Variants in PLCB1 observed in about 807,000 individuals in gnomAD.
The protein encoded by PLCB1 is 1-phosphatidylinositol 4,5-bisphosphate phosphodiesterase beta-1.
PLCB1 carries 46 observed loss-of-function variants against 161.8 expected under a neutral mutation model. The ratio of observed to expected loss-of-function variants is 0.28; its 90% CI spans 0.22 to 0.36. The LOEUF (loss-of-function observed/expected upper bound fraction) is 0.36, where lower values mean the gene tolerates loss of function less well. Ranked by LOEUF, PLCB1 falls within the 10% of genes least tolerant of loss-of-function variation. The pLI, the probability that PLCB1 is intolerant of heterozygous loss-of-function variation, is 1.00. For synonymous variants in PLCB1, 517 were observed against 503.7 expected (o/e 1.03, Z -0.35); for missense variants, 1,016 against 1,472.5 (o/e 0.69, Z 5.07).
intron 3 of PLCB1, among the ~76,000 whole-genome samples, chr20:8,373,110 T>TACCA: frequency 6.6e-6 from 1 of 152,230 alleles, no homozygotes; most frequent in Non-Finnish European, 1.5e-5. Flanking sequence ...TAAACCACTG[T>TACCA]TAGATCCTCA....
chr20:8,564,580 T>C (rs1986259398), intron 3 of PLCB1, among the ~76,000 whole-genome samples: 1 of 152,150 alleles, frequency 6.6e-6, no homozygotes, highest in Non-Finnish European at 1.5e-5. Context: ...TTTTGCAGTG[T>C]ATCCACCTGA....
chr20:8,514,741 A>G (rs1289442189), intron 3 of PLCB1, among the ~76,000 whole-genome samples: 1 of 152,144 alleles, frequency 6.6e-6, no homozygotes, highest in Non-Finnish European at 1.5e-5. Context: ...TCTTTTTGCT[A>G]GTTTCATGAT....
At chr20:8,658,762 A>C in intron 9 of PLCB1, 58 bp downstream of exon 9, 1 of 1,413,632 alleles carries the variant, frequency 7.1e-7, no homozygotes, top group Non-Finnish European at 9.6e-7. Context: ...GGGTAGTCAC[A>C]CGCTGGGAGT....
intron 17 of PLCB1, among the ~76,000 whole-genome samples, chr20:8,728,336 C>G (rs2123490105): frequency 6.6e-6 from 1 of 152,172 alleles, no homozygotes; most frequent in African/African-American, 2.4e-5. Context: ...CTTCACCTAA[C>G]TTGGTGATAG....
rs566478114 is a variant in PLCB1, at chr20:8,660,834, T to C, written c.862+2130T>C. 1.1e-4 allele frequency among the ~76,000 whole-genome samples: 16 copies of C among 152,296 alleles called. No individual in the cohort carries two copies. The East Asian group carries it at 3.1e-3, about 29-fold the overall frequency. On this transcript the variant is annotated intron_variant, in intron 9 of 31. Transcript: ENST00000338037. Reference sequence around the variant, plus strand: ...TGACATTGATCACAAAACCTCTGTGTCAACCTTAATAGCAGTATAAAGAAG... The same window carrying C: ...TGACATTGATCACAAAACCTCTGTGCCAACCTTAATAGCAGTATAAAGAAG...
intron 23 of PLCB1, among the ~76,000 whole-genome samples, chr20:8,753,683 G>T (rs972373053): frequency 6.6e-6 from 1 of 152,144 alleles, no homozygotes; most frequent in Admixed American, 6.5e-5. Flanking sequence ...GTACAGATTG[G>T]CAACTTCTGG....
chr20:8,298,636 T>C (rs6086395), intron 2 of PLCB1, among the ~76,000 whole-genome samples: 31,952 of 151,548 alleles, frequency 0.21, 3,516 homozygotes, highest in South Asian at 0.31. Context: ...GTGTGGAATA[T>C]TGATTATTCA....
intron 31 of PLCB1, among the ~76,000 whole-genome samples, chr20:8,823,530 C>T (rs558576651): frequency 6.6e-6 from 1 of 152,206 alleles, no homozygotes. Flanking sequence ...TGCCTAGGGA[C>T]AACTGTATTA....
chr20:8,339,284 T>C (rs1355963837), intron 2 of PLCB1, among the ~76,000 whole-genome samples: 2 of 152,152 alleles, frequency 1.3e-5, no homozygotes, highest in Non-Finnish European at 2.9e-5. Context: ...ACAAAGATGG[T>C]CTTGATCACA....
Position 8,257,522 on chromosome 20 carries a change from G to A in PLCB1, c.177+107151G>A, listed in dbSNP as rs8114013. ...CTGACTTCAAAGACAGACTGCTTGC[G>A]TTTGAATTTAAGCTTAGTTATGTGT... On this transcript the variant is annotated intron_variant, in intron 2 of 31. Coordinates refer to ENST00000338037, the MANE Select transcript of PLCB1 (RefSeq NM_015192.4). 2.0e-3 allele frequency among the ~76,000 whole-genome samples: 299 copies of A among 152,204 alleles called. 1 individual carries two copies. Among genetic ancestry groups the A allele is most frequent in the African/African-American group, 6.4e-3 (267 of 41,542 alleles).
intron 31 of PLCB1, among the ~76,000 whole-genome samples, chr20:8,854,768 A>C (rs1211077464): frequency 1.3e-5 from 2 of 152,192 alleles, no homozygotes; most frequent in African/African-American, 4.8e-5. Flanking sequence ...GGCGAACGAC[A>C]AACTCGGCAA....
intron 31 of PLCB1, among the ~76,000 whole-genome samples, chr20:8,850,017 A>T (rs575388710): frequency 1.7e-3 from 253 of 152,218 alleles, no homozygotes; most frequent in African/African-American, 6.0e-3. Flanking sequence ...GTCTAAAAAT[A>T]AAAAAAAGAA....
chr20:8,345,552 A>G (rs948603249), intron 2 of PLCB1, among the ~76,000 whole-genome samples: 1 of 152,186 alleles, frequency 6.6e-6, no homozygotes, highest in African/African-American at 2.4e-5. Flanking sequence ...GTCCTCCAGC[A>G]GTCACAGGTG....
intron 2 of PLCB1, among the ~76,000 whole-genome samples, chr20:8,219,222 G>C (rs746982888): frequency 1.3e-5 from 2 of 152,174 alleles, no homozygotes; most frequent in Non-Finnish European, 2.9e-5. Flanking sequence ...TGCATATGCT[G>C]TTAGAATAAC....
At chr20:8,450,215 A>G (rs1303166800) in intron 3 of PLCB1, among the ~76,000 whole-genome samples, 1 of 152,148 alleles carries the variant, frequency 6.6e-6, no homozygotes, top group Non-Finnish European at 1.5e-5. Flanking sequence ...TAAGTCTCAG[A>G]CTGCAGGTGA....
At chr20:8,201,607 A>G (rs1317809848) in intron 2 of PLCB1, among the ~76,000 whole-genome samples, 1 of 152,152 alleles carries the variant, frequency 6.6e-6, no homozygotes, top group East Asian at 1.9e-4. Context: ...TGGAGAAGAA[A>G]AATTTAATTC....
chr20:8,528,222 G>A (rs722663), intron 3 of PLCB1, among the ~76,000 whole-genome samples: 45,635 of 151,822 alleles, frequency 0.3, 7,228 homozygotes, highest in Middle Eastern at 0.4. Flanking sequence ...GAAGACATAT[G>A]AATCCACACA....
At chr20:8,540,943 A>G (rs1249035664) in intron 3 of PLCB1, among the ~76,000 whole-genome samples, 4 of 152,144 alleles carry the variant, frequency 2.6e-5, no homozygotes, top group Admixed American at 6.5e-5. Context: ...CTGCTATGCA[A>G]TGAGGCATAT....
At chr20:8,146,088 CTGTTTTTGTTTTTTT>C (rs1316931615) in intron 1 of PLCB1, among the ~76,000 whole-genome samples, 7 of 135,054 alleles carry the variant, frequency 5.2e-5, no homozygotes, top group Non-Finnish European at 7.7e-5. Flanking sequence ...AATCTTCTTA[CTGTTTTTGTTTTTTT>C]TGTTTTTTTT....
Sources: allele counts gnomAD v4.1 joint callset (sites outside exome capture counted in the v4.1 genomes callset), GRCh38; gene constraint gnomAD v4.1.1; transcripts MANE v1.5; gene names NCBI Gene and HGNC (gene_info 2026-07-23, HGNC 2026-07-21).